Variants in PHF11 observed in about 807,000 individuals in gnomAD.
The protein encoded by PHF11 is PHD finger protein 11, also known as BRCA1 C-terminus-associated protein.
A neutral mutation model predicts 40.5 loss-of-function variants in PHF11; 38 were observed. That is an observed-to-expected ratio of 0.94 (90% confidence interval 0.72 to 1.23). The LOEUF (loss-of-function observed/expected upper bound fraction) is 1.23, where lower values mean the gene tolerates loss of function less well. Ranked by LOEUF, PHF11 falls within the 50% of genes most tolerant of loss-of-function variation. PHF11 has a pLI of 0.00. For missense variants in PHF11, 369 were observed against 392.4 expected (o/e 0.94, Z 0.50); for synonymous variants, 127 against 138.2 (o/e 0.92, Z 0.57).
chr13:49,498,926 A>G (rs1958862383), intron 1 of PHF11, among the ~76,000 whole-genome samples: 1 of 152,234 alleles, frequency 6.6e-6, no homozygotes, highest in Admixed American at 6.5e-5. Context: ...AGTACTACAA[A>G]AACAATTTGA....
intron 5 of PHF11, chr13:49,521,245 A>G (rs997848693): frequency 9.6e-6 from 10 of 1,044,552 alleles, no homozygotes; most frequent in South Asian, 8.9e-5. Flanking sequence ...CTTCTCTTCC[A>G]TAAGAATTTT....
chr13:49,496,810 A>G (rs2139020008), intron 1 of PHF11, among the ~76,000 whole-genome samples: 2 of 138,984 alleles, frequency 1.4e-5, no homozygotes, highest in South Asian at 2.4e-4. Context: ...CTTTTTGAGG[A>G]GAGGATGGCT....
intron 1 of PHF11, chr13:49,497,023 G>T: frequency 8.2e-7 from 1 of 1,213,964 alleles, no homozygotes; most frequent in Non-Finnish European, 1.1e-6. Flanking sequence ...AGTAGAGAGG[G>T]TTTCTCCATG....
intron 1 of PHF11, among the ~76,000 whole-genome samples, chr13:49,501,006 T>G (rs75297594): frequency 0.052 from 6,609 of 127,392 alleles, 471 homozygotes; most frequent in South Asian, 0.14. Context: ...TTTTGTTTTT[T>G]TTTTTTTTTG....
intron 6 of PHF11, 120 bp from the exon 7 acceptor site, chr13:49,523,055 G>A (rs1164884575): frequency 5.3e-6 from 4 of 758,464 alleles, no homozygotes; most frequent in Non-Finnish European, 9.4e-6. Flanking sequence ...GAGACACCGC[G>A]CCCAGCCAGG....
chr13:49,518,189 AT>A, intron 4 of PHF11, 38 bp downstream of exon 4: 2 of 1,455,588 alleles, frequency 1.4e-6, no homozygotes, highest in Non-Finnish European at 1.9e-6. Flanking sequence ...CATTTGGGGG[AT>A]TGGGATAAGG....
chr13:49,516,333 C>G (rs1360203095), intron 3 of PHF11, among the ~76,000 whole-genome samples: 1 of 151,932 alleles, frequency 6.6e-6, no homozygotes, highest in Non-Finnish European at 1.5e-5. Flanking sequence ...TATCCTAAAA[C>G]CATGCCTGCC....
intron 2 of PHF11, among the ~76,000 whole-genome samples, chr13:49,509,456 C>T (rs1223960552): frequency 1.3e-5 from 2 of 152,108 alleles, no homozygotes; most frequent in East Asian, 1.9e-4. Flanking sequence ...CGTGATCCAC[C>T]CACCTCAGCC....
At position 49,496,015 on chromosome 13, in the gene PHF11, C is replaced by A; in HGVS notation, c.14C>A (p.Ser5Ter). Residue 5 changes from serine to a stop codon, truncating the protein, a stop_gained, in exon 1 of 10, where the codon TCG becomes TAG. Coordinates refer to ENST00000378319, the MANE Select transcript of PHF11 (RefSeq NM_001040443.3). LOFTEE classifies it high-confidence loss of function. The part of the protein sequence containing the change: MAQA[S>*]PPRPERVLGA... ...TGCAGCACAGTCATGGCCCAGGCGTCGCCGCCCCGGCCCGAGAGGGTGCTC... is the reference window on the plus strand; with the variant it reads ...TGCAGCACAGTCATGGCCCAGGCGTAGCCGCCCCGGCCCGAGAGGGTGCTC... The A allele has an allele frequency of 6.8e-7, 1 of 1,475,044 alleles. No individual in the cohort carries two copies. The highest frequency in any genetic ancestry group is 1.3e-5 in the South Asian group (1 of 79,248). 91.4% of individuals were successfully genotyped at this position (1,475,044 alleles called of 1,614,324 possible). A position where few individuals can be genotyped will look rare whatever the true frequency, so the allele number is the denominator to read the frequency against.
intron 1 of PHF11, among the ~76,000 whole-genome samples, chr13:49,506,433 AT>A (rs1440751241): frequency 2.0e-5 from 3 of 152,284 alleles, no homozygotes; most frequent in Admixed American, 2.0e-4. Context: ...AAGTGAACTC[AT>A]TAATTCTTTT....
Position 49,528,891 on chromosome 13 carries a change from GA to G in PHF11, c.*228del. On this transcript the variant is annotated 3_prime_UTR_variant, in exon 10 of 10. Transcript: ENST00000378319. ...CTAGTATGCTCAGTAAATGTTTGTG[GA>G]ATAAGTGCATAAAATGTTCTTAACC... 1 of 411,850 alleles carries G rather than the reference GA, an allele frequency of 2.4e-6. No homozygotes were observed. The highest frequency in any genetic ancestry group is 4.3e-6 in the Non-Finnish European group (1 of 232,470). The allele number at this position is 411,850 out of a possible 1,614,324, so 25.5% of individuals were successfully genotyped here.
At chr13:49,526,051 C>G in intron 8 of PHF11, 1 of 334,816 alleles carries the variant, frequency 3.0e-6, no homozygotes, top group South Asian at 2.6e-5. Flanking sequence ...CGCCTGCAAT[C>G]CCAACTACTT....
chr13:49,525,956 G>T (rs1959251720), intron 8 of PHF11: 1 of 340,598 alleles, frequency 2.9e-6, no homozygotes, highest in South Asian at 2.2e-5. Flanking sequence ...ATCATCTGTG[G>T]TCAGCAGTTC....
Position 49,496,076 on chromosome 13 carries a change from G to A in PHF11, c.75G>A (p.Glu25=). 7.0e-7 allele frequency: 1 copy of A among 1,430,398 alleles called. No individual in the cohort carries two copies. The highest frequency in any genetic ancestry group is 1.4e-5 in the South Asian group (1 of 71,640). The allele number at this position is 1,430,398 out of a possible 1,614,324, so 88.6% of individuals were successfully genotyped here. A position where few individuals can be genotyped will look rare whatever the true frequency, so the allele number is the denominator to read the frequency against. Residue 25 remains glutamate (E), a synonymous_variant, in exon 1 of 10, where the codon GAG becomes GAA. Coordinates refer to ENST00000378319, the MANE Select transcript of PHF11 (RefSeq NM_001040443.3). ...ASSPEARPAQ[E]ALLLPTGVFQ... Reference sequence around the variant, plus strand: ...GCCCGGAGGCCCGGCCCGCGCAGGAGGCGCTCCTCCTTCCCACCGGTGTGT... The same window carrying A: ...GCCCGGAGGCCCGGCCCGCGCAGGAAGCGCTCCTCCTTCCCACCGGTGTGT...
In PHF11 at chr13:49,495,963, T is replaced by C; in HGVS notation, c.-39T>C. 7.3e-7 allele frequency: 1 copy of C among 1,365,616 alleles called. No homozygotes were observed. The highest frequency in any genetic ancestry group is 1.3e-5 in the South Asian group (1 of 78,978). 84.6% of individuals were successfully genotyped at this position (1,365,616 alleles called of 1,614,324 possible). On this transcript the variant is annotated 5_prime_UTR_variant, in exon 1 of 10. Coordinates refer to ENST00000378319, the MANE Select transcript of PHF11 (RefSeq NM_001040443.3). ...TAGTGCAGCTGGGGCACTTCCGGGATCTCGCTATCCGGCCGCCACCCGCAG... is the reference window on the plus strand; with the variant it reads ...TAGTGCAGCTGGGGCACTTCCGGGACCTCGCTATCCGGCCGCCACCCGCAG...
At chr13:49,501,082 C>T (rs1386148984) in intron 1 of PHF11, among the ~76,000 whole-genome samples, 2 of 142,924 alleles carry the variant, frequency 1.4e-5, no homozygotes, top group Admixed American at 1.5e-4. Flanking sequence ...GGTGCGATCT[C>T]GGCTCACCGC....
chr13:49,498,662 G>A (rs1196624327), intron 1 of PHF11, among the ~76,000 whole-genome samples: 2 of 152,202 alleles, frequency 1.3e-5, no homozygotes, highest in African/African-American at 2.4e-5. Context: ...ATACATTTCA[G>A]ATAGATCATT....
chr13:49,498,352 A>G (rs918568599), intron 1 of PHF11, among the ~76,000 whole-genome samples: 2 of 152,198 alleles, frequency 1.3e-5, no homozygotes, highest in African/African-American at 4.8e-5. Flanking sequence ...TTTCCGGTAG[A>G]TCATTCTGAC....
intron 2 of PHF11, among the ~76,000 whole-genome samples, chr13:49,509,474 G>C (rs577156884): frequency 4.8e-4 from 73 of 152,220 alleles, no homozygotes; most frequent in African/African-American, 1.6e-3. Flanking sequence ...GCCTCCCAAA[G>C]TTCTGGGATT....
Sources: gnomAD v4.1 joint callset for allele counts (sites outside exome capture counted in the v4.1 genomes callset) on GRCh38, gnomAD v4.1.1 for gene constraint, MANE v1.5 for transcripts, NCBI Gene and HGNC (gene_info 2026-07-23, HGNC 2026-07-21) for gene names.